Variants in BMP7 observed in about 807,000 individuals in gnomAD.
BMP7 encodes bone morphogenetic protein 7.
BMP7 carries 12 observed loss-of-function variants against 41.2 expected under a neutral mutation model. That is an observed-to-expected ratio of 0.29 (90% CI 0.19 to 0.47). The LOEUF (loss-of-function observed/expected upper bound fraction) is 0.47. Ranked by LOEUF, BMP7 falls within the 20% of genes least tolerant of loss-of-function variation. BMP7 has a pLI of 0.99. For missense variants in BMP7, 467 were observed against 606.0 expected, an observed-to-expected ratio of 0.77 and a Z score of 2.41; for synonymous variants, 248 against 250.0, an observed-to-expected ratio of 0.99 and a Z score of 0.07.
At chr20:57,255,799 CAAAAAAAAAAAAAAA>C (rs3067106) in intron 1 of BMP7, among the ~76,000 whole-genome samples, 2 of 48,618 alleles carry the variant, frequency 4.1e-5, no homozygotes, top group Middle Eastern at 0.023. Context: ...GACTCCATCT[CAAAAAAAAAAAAAAA>C]AAAAAAAAAA....
rs529279630 is a variant in BMP7, at chr20:57,197,889, C to G, written c.760+4586G>C. 2.0e-5 allele frequency among the ~76,000 whole-genome samples: 3 copies of G among 152,324 alleles called. No homozygotes were observed. The South Asian group carries it at 6.2e-4, about 32-fold the overall frequency. The stretch of plus-strand genomic sequence containing the variant: ...TGTGCTATGACAGGGGCAGGGGTGC[C>G]AGAGTATGAGTGTGCAGGGGTTGCT... On this transcript the variant is annotated intron_variant, in intron 3 of 6. Coordinates refer to ENST00000395863, the MANE Select transcript of BMP7 (RefSeq NM_001719.3).
intron 4 of BMP7, among the ~76,000 whole-genome samples, chr20:57,176,495 C>A (rs980246833): frequency 3.9e-5 from 6 of 152,130 alleles, no homozygotes; most frequent in African/African-American, 1.4e-4. Context: ...AGGTGTCGCC[C>A]TTAGAGGTGT....
Position 57,262,366 on chromosome 20 carries a change from AG to A in BMP7, c.418+3338del, listed in dbSNP as rs1196385612. ...GGCTGGGAAGATGGGAGTCTCACTC[AG>A]GCAGCTCAGTTCACATTGCCTGGGG... On this transcript the variant is annotated intron_variant, in intron 1 of 6. Coordinates refer to ENST00000395863, the MANE Select transcript of BMP7 (RefSeq NM_001719.3). 7.9e-5 allele frequency among the ~76,000 whole-genome samples: 12 copies of A among 152,334 alleles called. No homozygotes were observed. The East Asian group carries it at 2.3e-3, about 29-fold the overall frequency.
intron 2 of BMP7, among the ~76,000 whole-genome samples, chr20:57,222,761 G>T (rs973691978): frequency 2.2e-4 from 34 of 151,560 alleles, no homozygotes; most frequent in African/African-American, 7.8e-4. Context: ...TGGGGCTGAG[G>T]TGTAGTGGCA....
intron 1 of BMP7, among the ~76,000 whole-genome samples, chr20:57,263,601 G>T (rs2066161950): frequency 6.6e-6 from 1 of 152,086 alleles, no homozygotes; most frequent in Non-Finnish European, 1.5e-5. Context: ...TTCCAGCCAG[G>T]CTCTGAAGGC....
intron 3 of BMP7, among the ~76,000 whole-genome samples, chr20:57,186,356 G>A (rs1024540278): frequency 4.6e-5 from 7 of 152,210 alleles, no homozygotes; most frequent in Admixed American, 1.3e-4. Flanking sequence ...AGCAAACTCC[G>A]TGTCCGTTGC....
chr20:57,227,814 GT>G (rs893503117), intron 2 of BMP7, among the ~76,000 whole-genome samples: 1 of 152,044 alleles, frequency 6.6e-6, no homozygotes, highest in African/African-American at 2.4e-5. Flanking sequence ...TTTGGTTTGG[GT>G]TTTTTTCTTC....
rs113031379 is a variant in BMP7, at chr20:57,199,784, G to A, written c.760+2691C>T. ...TGCCCCTCCCTGACAATCCAAGTGG[G>A]TGATCCTCCCCCGACTTGGGCAACC... On this transcript the variant is annotated intron_variant, in intron 3 of 6. Transcript: ENST00000395863. Among the ~76,000 whole-genome samples the A allele has an allele frequency of 3.8e-3, 572 of 152,286 alleles. 2 individuals are homozygous for A. Among genetic ancestry groups the A allele is most frequent in the Non-Finnish European group, 5.5e-3 (371 of 68,022 alleles).
rs1568701548 is a variant in BMP7, at chr20:57,173,237, T to C, written c.1109A>G (p.Tyr370Cys). The C allele has an allele frequency of 1.2e-6, 2 of 1,614,110 alleles. No homozygotes were observed. Among genetic ancestry groups the C allele is most frequent in the Non-Finnish European group, 1.7e-6 (2 of 1,180,016 alleles). ...EGECAFPLNS[Y>C]MNATNHAIVQ... ...GATGGCGTGGTTGGTGGCGTTCATGTAGGAGTTCAGAGGGAAGGCACACTC... is the reference window on the plus strand; with the variant it reads ...GATGGCGTGGTTGGTGGCGTTCATGCAGGAGTTCAGAGGGAAGGCACACTC... Residue 370 changes from tyrosine to cysteine, a missense_variant, in exon 6 of 7, where the codon TAC becomes TGC. Around this residue, in one of 2 missense-constraint regions of BMP7, gnomAD observed 60 missense variants for 120.1 expected, o/e 0.50. Transcript: ENST00000395863.
At chr20:57,190,830 C>T (rs564411683) in intron 3 of BMP7, among the ~76,000 whole-genome samples, 54 of 152,312 alleles carry the variant, frequency 3.5e-4, no homozygotes, top group African/African-American at 1.2e-3. Context: ...AGCTTTAACG[C>T]TGGCTCCAAA....
At chr20:57,225,935 C>T in intron 2 of BMP7, 1 of 471,242 alleles carries the variant, frequency 2.1e-6, no homozygotes, top group Non-Finnish European at 4.4e-6. Context: ...TCGATGCCCT[C>T]AGGCATGGCA....
chr20:57,238,700 GAA>G (rs994412412), intron 1 of BMP7, among the ~76,000 whole-genome samples: 1 of 146,086 alleles, frequency 6.8e-6, no homozygotes, highest in African/African-American at 2.5e-5. Flanking sequence ...CCGAGACCAG[GAA>G]AAAAAAAAAG....
intron 3 of BMP7, among the ~76,000 whole-genome samples, chr20:57,186,400 C>T (rs1314304500): frequency 1.3e-5 from 2 of 152,214 alleles, no homozygotes; most frequent in Non-Finnish European, 2.9e-5. Context: ...ACTATCTATC[C>T]ACTGGCTTTG....
intron 3 of BMP7, among the ~76,000 whole-genome samples, chr20:57,200,576 C>A (rs1226425651): frequency 6.6e-6 from 1 of 152,192 alleles, no homozygotes; most frequent in African/African-American, 2.4e-5. Context: ...GCACAGAACC[C>A]ACTGGGGCCC....
intron 3 of BMP7, among the ~76,000 whole-genome samples, chr20:57,185,458 C>T (rs1984187862): frequency 6.6e-6 from 1 of 152,204 alleles, no homozygotes; most frequent in Non-Finnish European, 1.5e-5. Flanking sequence ...CTGGCATGCT[C>T]TTGGCCCAAG....
chr20:57,186,840 C>T (rs1984223544), intron 3 of BMP7, among the ~76,000 whole-genome samples: 1 of 152,210 alleles, frequency 6.6e-6, no homozygotes, highest in Non-Finnish European at 1.5e-5. Flanking sequence ...TTTTCCCCCA[C>T]CCGCCGCTAT....
intron 1 of BMP7, among the ~76,000 whole-genome samples, chr20:57,262,986 T>G (rs2066159830): frequency 6.6e-6 from 1 of 152,054 alleles, no homozygotes; most frequent in Non-Finnish European, 1.5e-5. Context: ...ATGGAGAAAT[T>G]CCAAGCTACA....
At chr20:57,231,827 G>A (rs2066030492) in intron 1 of BMP7, among the ~76,000 whole-genome samples, 1 of 152,338 alleles carries the variant, frequency 6.6e-6, no homozygotes, top group African/African-American at 2.4e-5. Context: ...TGGCAGATAC[G>A]CAATCAGCCT....
At chr20:57,196,408 G>A (rs1268117111) in intron 3 of BMP7, among the ~76,000 whole-genome samples, 3 of 152,224 alleles carry the variant, frequency 2.0e-5, no homozygotes, top group Non-Finnish European at 4.4e-5. Flanking sequence ...AAGAATGTGA[G>A]CAACACAACA....
Sources: gnomAD v4.1 joint callset for allele counts (sites outside exome capture counted in the v4.1 genomes callset) on GRCh38, gnomAD v4.1.1 for gene constraint, gnomAD v4.1.1 regional missense constraint, MANE v1.5 for transcripts, NCBI Gene and HGNC (gene_info 2026-07-23, HGNC 2026-07-21) for gene names.